DAB2IP: variants seen among roughly 807,000 people sequenced by gnomAD.
The protein encoded by DAB2IP is disabled homolog 2-interacting protein.
In DAB2IP, 28 loss-of-function variants were observed where a neutral mutation model predicts 107.2. The observed-to-expected ratio is 0.26, with a 90% CI of 0.19 to 0.36. DAB2IP has a LOEUF of 0.36. DAB2IP is among the 10% of genes least tolerant of loss of function. The pLI is 1.00. For missense variants in DAB2IP, 1,400 were observed against 1,644.7 expected, an observed-to-expected ratio of 0.85 and a Z score of 2.57; for synonymous variants, 755 against 706.4, an observed-to-expected ratio of 1.07 and a Z score of -1.09.
upstream of DAB2IP, among the ~76,000 whole-genome samples, chr9:121,649,833 C>T (rs1374589458): frequency 6.6e-6 from 1 of 152,206 alleles, no homozygotes; most frequent in East Asian, 1.9e-4. Context: ...CCAGGGGCTT[C>T]TTTTTAGAGA....
At chr9:121,741,865 A>G (rs1051476622) in intron 3 of DAB2IP, among the ~76,000 whole-genome samples, 3 of 151,014 alleles carry the variant, frequency 2.0e-5, no homozygotes, top group African/African-American at 7.3e-5. Flanking sequence ...GGTAAATAAT[A>G]TTATGTCCAT....
rs146575184 is a variant in DAB2IP, at chr9:121,692,206, A to G, written c.229-7119A>G. ...CTGGTGCCTGATGATAGCTGAGTACATGTGTATATTTATTGGCTTATTTCA... is the reference window on the plus strand; with the variant it reads ...CTGGTGCCTGATGATAGCTGAGTACGTGTGTATATTTATTGGCTTATTTCA... On this transcript the variant is annotated intron_variant, in intron 2 of 15. Coordinates refer to ENST00000408936, the Ensembl canonical transcript of DAB2IP. 1.2e-4 allele frequency among the ~76,000 whole-genome samples: 18 copies of G among 152,196 alleles called. No homozygotes were observed. In the East Asian group the frequency reaches 3.3e-3, roughly 28 times the overall value.
Position 121,701,266 on chromosome 9 carries a change from C to T in DAB2IP, c.362+1808C>T, listed in dbSNP as rs558548763. ...CAGCGGGAAGCCTGTACCTAGAAGCCGGCAAGTGCTGGCTGGCCACCCTAG... is the reference window on the plus strand; with the variant it reads ...CAGCGGGAAGCCTGTACCTAGAAGCTGGCAAGTGCTGGCTGGCCACCCTAG... On this transcript the variant is annotated intron_variant, in intron 3 of 15. Transcript: ENST00000408936. This position sits in a 1 kb window ranked among gnomAD's most constrained non-coding sequence, Gnocchi z 4.7. 2.6e-5 allele frequency among the ~76,000 whole-genome samples: 4 copies of T among 152,320 alleles called. No homozygotes were observed. In the South Asian group the frequency reaches 6.2e-4, roughly 24 times the overall value.
rs577528369 is a variant in DAB2IP, at chr9:121,680,587, C to A, written c.228+1806C>A. ...AGACCAAGTTCTGATCTCTCTGGATCCCTGGGGCCACAGCAGGCAGGGTGG... is the reference window on the plus strand; with the variant it reads ...AGACCAAGTTCTGATCTCTCTGGATACCTGGGGCCACAGCAGGCAGGGTGG... On this transcript the variant is annotated intron_variant, in intron 2 of 15. Transcript: ENST00000408936. Among the ~76,000 whole-genome samples, 11 of 152,256 alleles carry A rather than the reference C, an allele frequency of 7.2e-5. No individual in the cohort carries two copies. In the East Asian group the frequency reaches 2.1e-3, roughly 29 times the overall value.
chr9:121,663,900 T>C (rs1277609599), intron 1 of DAB2IP, among the ~76,000 whole-genome samples: 1 of 152,248 alleles, frequency 6.6e-6, no homozygotes, highest in South Asian at 2.1e-4. Flanking sequence ...GATTCAGAGA[T>C]ATCCGGGCTT....
intron 3 of DAB2IP, among the ~76,000 whole-genome samples, chr9:121,756,120 G>C (rs550266578): frequency 1.3e-5 from 2 of 152,302 alleles, no homozygotes; most frequent in South Asian, 4.1e-4. Flanking sequence ...CCCACCGTGG[G>C]GGCTGGGGGC....
At chr9:121,583,065 A>G (rs749188783) in intron 1 of DAB2IP, among the ~76,000 whole-genome samples, 5 of 152,228 alleles carry the variant, frequency 3.3e-5, no homozygotes, top group Non-Finnish European at 7.3e-5. Context: ...AGCCACGAAA[A>G]CAGAACAAAA....
chr9:121,780,017 G>A (rs888514740), intron 14 of DAB2IP, among the ~76,000 whole-genome samples: 4 of 152,114 alleles, frequency 2.6e-5, no homozygotes, highest in African/African-American at 9.7e-5. Context: ...GTACTGCATT[G>A]CCTGTATTGT....
At chr9:121,642,028 TC>T (rs1564128871) in intron 1 of DAB2IP, among the ~76,000 whole-genome samples, 25 of 40,974 alleles carry the variant, frequency 6.1e-4, no homozygotes, top group South Asian at 1.5e-3. Flanking sequence ...TCTCTCTCTC[TC>T]TCTTTCTTTC....
At chr9:121,609,733 C>T (rs1301537455) in intron 1 of DAB2IP, among the ~76,000 whole-genome samples, 1 of 152,248 alleles carries the variant, frequency 6.6e-6, no homozygotes, top group Admixed American at 6.5e-5. Context: ...CCTAAAACTT[C>T]ATGACAAGTT....
At chr9:121,757,637 C>T (rs1833585949) in intron 4 of DAB2IP, among the ~76,000 whole-genome samples, 1 of 152,138 alleles carries the variant, frequency 6.6e-6, no homozygotes, top group Non-Finnish European at 1.5e-5. Context: ...GAGCCAGTGA[C>T]CCACCTGGGG....
At chr9:121,681,780 A>C (rs1828615483) in intron 2 of DAB2IP, among the ~76,000 whole-genome samples, 1 of 152,142 alleles carries the variant, frequency 6.6e-6, no homozygotes, top group African/African-American at 2.4e-5. Flanking sequence ...TGGAGAACTC[A>C]GAGGTGGGGA....
At chr9:121,614,262 T>C (rs961976436) in intron 1 of DAB2IP, among the ~76,000 whole-genome samples, 1 of 152,046 alleles carries the variant, frequency 6.6e-6, no homozygotes, top group Non-Finnish European at 1.5e-5. Context: ...TTTCTAGCCT[T>C]GACCTCCTTC....
At chr9:121,578,352 C>G (rs1830112918) in intron 1 of DAB2IP, among the ~76,000 whole-genome samples, 1 of 151,964 alleles carries the variant, frequency 6.6e-6, no homozygotes, top group South Asian at 2.1e-4. Context: ...TGGGCTCCCC[C>G]TGCTCCCCTC....
intron 1 of DAB2IP, among the ~76,000 whole-genome samples, chr9:121,620,934 C>A (rs901670675): frequency 1.3e-5 from 2 of 152,192 alleles, no homozygotes; most frequent in African/African-American, 4.8e-5. Context: ...GCACATCAAC[C>A]AATCCAACAT....
intron 1 of DAB2IP, among the ~76,000 whole-genome samples, chr9:121,607,320 T>C (rs190935354): frequency 8.5e-5 from 13 of 152,158 alleles, no homozygotes; most frequent in Admixed American, 7.2e-4. Context: ...TCTTATTTTT[T>C]TGAGATGGTG....
intron 1 of DAB2IP, among the ~76,000 whole-genome samples, chr9:121,622,640 C>A (rs1407366980): frequency 6.6e-6 from 1 of 152,160 alleles, no homozygotes; most frequent in Non-Finnish European, 1.5e-5. Flanking sequence ...AGGGCTGGGG[C>A]TGCCGGGTGG....
intron 2 of DAB2IP, among the ~76,000 whole-genome samples, chr9:121,691,393 A>T (rs182249512): frequency 1.3e-5 from 2 of 152,172 alleles, no homozygotes; most frequent in East Asian, 3.9e-4. Flanking sequence ...CTTCCCAGGC[A>T]GGAGGAACAG....
chr9:121,586,517 C>T (rs1255431791), intron 1 of DAB2IP, among the ~76,000 whole-genome samples: 1 of 152,054 alleles, frequency 6.6e-6, no homozygotes, highest in Admixed American at 6.5e-5. Context: ...GCTGGTTTGT[C>T]CCCTGTCTAC....
Sources: gnomAD v4.1 joint callset for allele counts (sites outside exome capture counted in the v4.1 genomes callset) on GRCh38, gnomAD v4.1.1 for gene constraint, Gnocchi (gnomAD v3.1) non-coding constraint, MANE v1.5 for transcripts, NCBI Gene and HGNC (gene_info 2026-07-23, HGNC 2026-07-21) for gene names.